Variants in PDE1C observed in about 807,000 individuals in gnomAD.
The protein encoded by PDE1C is phosphodiesterase 1C.
PDE1C carries 62 observed loss-of-function variants against 93.1 expected under a neutral mutation model. That is an observed-to-expected ratio of 0.67 (90% CI 0.54 to 0.82). PDE1C has a LOEUF of 0.82. PDE1C is among the 40% of genes least tolerant of loss of function. PDE1C has a pLI of 0.00. For synonymous variants in PDE1C, 325 were observed against 310.1 expected (o/e 1.05, Z -0.50); for missense variants, 742 against 884.6 (o/e 0.84, Z 2.04).
intron 5 of PDE1C, among the ~76,000 whole-genome samples, chr7:31,874,485 T>C (rs773882407): frequency 6.6e-6 from 1 of 152,222 alleles, no homozygotes; most frequent in Non-Finnish European, 1.5e-5. Flanking sequence ...AGACCTTGGT[T>C]CTCATGAGTG....
intron 16 of PDE1C, among the ~76,000 whole-genome samples, chr7:31,803,399 T>TCATTA: frequency 6.7e-6 from 1 of 150,088 alleles, no homozygotes; most frequent in Non-Finnish European, 1.5e-5. Context: ...GCTTTTTCTT[T>TCATTA]TTATTATTAT....
the PDE1C span, chr7:31,658,142 T>G: frequency 3.0e-6 from 2 of 660,040 alleles, no homozygotes; most frequent in East Asian, 6.1e-5. Context: ...TGAGGGTTGC[T>G]CTGAACCACA....
At chr7:32,216,028 G>C (rs1308094961) in intron 1 of PDE1C, among the ~76,000 whole-genome samples, 1 of 152,212 alleles carries the variant, frequency 6.6e-6, no homozygotes, top group Non-Finnish European at 1.5e-5. Context: ...CCAAAGAAGA[G>C]AACATTGGAA....
intron 1 of PDE1C, among the ~76,000 whole-genome samples, chr7:32,254,639 A>G (rs1435024812): frequency 6.6e-6 from 1 of 152,222 alleles, no homozygotes. Context: ...ACTTGGGGAA[A>G]TCGATGCAGA....
the PDE1C span, among the ~76,000 whole-genome samples, chr7:31,724,032 T>C: frequency 6.6e-6 from 1 of 152,140 alleles, no homozygotes; most frequent in East Asian, 1.9e-4. Flanking sequence ...TAGCTTGCGA[T>C]CTATTTATTT....
intron 1 of PDE1C, among the ~76,000 whole-genome samples, chr7:32,376,283 T>C (rs1422426676): frequency 3.3e-5 from 5 of 152,270 alleles, no homozygotes; most frequent in Non-Finnish European, 5.9e-5. Context: ...TGTGATTTTA[T>C]CTGCAGTCCA....
At chr7:31,769,254 A>C (rs1490338357) in intron 17 of PDE1C, among the ~76,000 whole-genome samples, 1 of 152,122 alleles carries the variant, frequency 6.6e-6, no homozygotes, top group African/African-American at 2.4e-5. Flanking sequence ...TATTTTCTTC[A>C]TTGTCTTCTG....
At chr7:31,931,397 A>G (rs1804231515) in intron 2 of PDE1C, among the ~76,000 whole-genome samples, 1 of 152,242 alleles carries the variant, frequency 6.6e-6, no homozygotes, top group Admixed American at 6.5e-5. Flanking sequence ...AAGTCTCAGG[A>G]AACAACATCA....
chr7:31,942,433 T>C (rs1437117671), intron 2 of PDE1C, among the ~76,000 whole-genome samples: 2 of 152,110 alleles, frequency 1.3e-5, no homozygotes, highest in African/African-American at 4.8e-5. Context: ...CTCAGTAATC[T>C]ATGAACCTGG....
rs1294220081 is a variant in PDE1C, at chr7:31,788,042, TTC to T, written c.1892-12312_1892-12311del. 1.8e-4 allele frequency: 27 copies of T among 152,338 alleles called. 1 individual carries two copies. The highest frequency in any genetic ancestry group is 3.4e-3 in the Middle Eastern group (1 of 294). 9.4% of individuals were successfully genotyped at this position (152,338 alleles called of 1,614,324 possible). ...AGTTCTTTATGGAATGAAATTCTCT[TTC>T]TATTCTTTTTCAGCTGATTAATGAC... On this transcript the variant is annotated intron_variant, in intron 16 of 17. Transcript: ENST00000396191.
chr7:31,676,231 G>A, the PDE1C span, among the ~76,000 whole-genome samples: 1 of 152,086 alleles, frequency 6.6e-6, no homozygotes, highest in African/African-American at 2.4e-5. Flanking sequence ...GATGTACCCA[G>A]CACAGTCCTA....
intron 9 of PDE1C, among the ~76,000 whole-genome samples, chr7:31,845,316 T>TA (rs1792419916): frequency 6.6e-6 from 1 of 152,204 alleles, no homozygotes; most frequent in African/African-American, 2.4e-5. Context: ...TCCTGATCTT[T>TA]ATATGTCACT....
At chr7:32,332,280 G>A (rs1783530690) in intron 1 of PDE1C, among the ~76,000 whole-genome samples, 1 of 151,868 alleles carries the variant, frequency 6.6e-6, no homozygotes, top group East Asian at 1.9e-4. Context: ...TATGAAAAGG[G>A]GCCCAACTTC....
At chr7:31,724,046 A>G in the PDE1C span, among the ~76,000 whole-genome samples, 1 of 152,180 alleles carries the variant, frequency 6.6e-6, no homozygotes, top group African/African-American at 2.4e-5. Context: ...TTTATTTTTT[A>G]TGTCTGAACT....
chr7:31,828,542 A>G (rs140016872), intron 11 of PDE1C, among the ~76,000 whole-genome samples, 169 bp from the exon 12 acceptor site: 3 of 152,316 alleles, frequency 2.0e-5, no homozygotes, highest in Admixed American at 1.3e-4. Flanking sequence ...AAAGACACCA[A>G]AAGGCTGAAG....
chr7:32,102,821 T>G (rs973677990), intron 3 of PDE1C, among the ~76,000 whole-genome samples: 1 of 152,176 alleles, frequency 6.6e-6, no homozygotes, highest in Non-Finnish European at 1.5e-5. Flanking sequence ...GAAGCTGGTT[T>G]ATTATGGGCA....
chr7:31,706,262 C>A, the PDE1C span, among the ~76,000 whole-genome samples: 3 of 151,934 alleles, frequency 2.0e-5, no homozygotes, highest in African/African-American at 4.8e-5. Flanking sequence ...ACCTTGGCCT[C>A]TCAAGGTGCT....
intron 16 of PDE1C, among the ~76,000 whole-genome samples, chr7:31,780,951 C>G (rs530300388): frequency 2.0e-5 from 3 of 152,116 alleles, no homozygotes; most frequent in African/African-American, 7.2e-5. Flanking sequence ...CAACCCAATC[C>G]GTCAGCTAGG....
At chr7:32,123,933 C>T (rs1003992055) in intron 3 of PDE1C, among the ~76,000 whole-genome samples, 18 of 152,130 alleles carry the variant, frequency 1.2e-4, no homozygotes, top group Admixed American at 7.2e-4. Flanking sequence ...TTTGTGATGA[C>T]GTGATTCTAT....
Sources: allele counts gnomAD v4.1 joint callset (sites outside exome capture counted in the v4.1 genomes callset), GRCh38; gene constraint gnomAD v4.1.1; transcripts MANE v1.5; gene names NCBI Gene and HGNC (gene_info 2026-07-23, HGNC 2026-07-21).